SLC41A3: variants seen among roughly 807,000 people sequenced by gnomAD.
SLC41A3 encodes the protein solute carrier family 41 member 3, also known as SLC41A1-like 2.
SLC41A3 carries 44 observed loss-of-function variants against 45.4 expected under a neutral mutation model. The observed-to-expected ratio is 0.97, with a 90% CI of 0.76 to 1.25. SLC41A3 has a LOEUF of 1.25. SLC41A3 is among the 50% of genes most tolerant of loss of function. The pLI is 0.00. For missense variants in SLC41A3, 550 were observed against 600.6 expected, an observed-to-expected ratio of 0.92 and a Z score of 0.88; for synonymous variants, 256 against 252.4, an observed-to-expected ratio of 1.01 and a Z score of -0.13.
chr3:126,063,855 G>C (rs1200205361), intron 2 of SLC41A3, among the ~76,000 whole-genome samples: 1 of 150,918 alleles, frequency 6.6e-6, no homozygotes, highest in Non-Finnish European at 1.5e-5. Flanking sequence ...GGAGGCACAT[G>C]GGCCCCTCAC....
At chr3:126,077,177 A>C in intron 1 of SLC41A3, among the ~76,000 whole-genome samples, 1 of 152,138 alleles carries the variant, frequency 6.6e-6, no homozygotes, top group Non-Finnish European at 1.5e-5. Flanking sequence ...TAGGAGTTTG[A>C]GACCAGCTTG....
At chr3:126,068,781 A>G (rs948212771) in intron 1 of SLC41A3, among the ~76,000 whole-genome samples, 2 of 152,176 alleles carry the variant, frequency 1.3e-5, no homozygotes, top group Non-Finnish European at 2.9e-5. Flanking sequence ...GAAGGGCATG[A>G]CAAGGCTGGA....
chr3:126,073,808 A>G (rs934955158), intron 1 of SLC41A3, among the ~76,000 whole-genome samples: 10 of 152,164 alleles, frequency 6.6e-5, no homozygotes, highest in African/African-American at 2.4e-4. Context: ...AATAACACAA[A>G]TCCTTCATAA....
chr3:126,077,362 A>G (rs1944927305), intron 1 of SLC41A3, among the ~76,000 whole-genome samples: 1 of 152,196 alleles, frequency 6.6e-6, no homozygotes. Context: ...CCTAGGGGAC[A>G]GAGTAAGACT....
intron 3 of SLC41A3, among the ~76,000 whole-genome samples, chr3:126,048,280 T>A (rs895286563): frequency 6.6e-6 from 1 of 152,244 alleles, no homozygotes; most frequent in Non-Finnish European, 1.5e-5. Flanking sequence ...TTTATTTGTA[T>A]AGGTTTTGCC....
At chr3:126,091,658 A>G (rs887787788) in intron 1 of SLC41A3, among the ~76,000 whole-genome samples, 5 of 152,188 alleles carry the variant, frequency 3.3e-5, no homozygotes, top group African/African-American at 1.2e-4. Context: ...AAAAGTTGTC[A>G]GACTCTTAGT....
At chr3:126,076,945 G>T (rs1944906859) in intron 1 of SLC41A3, among the ~76,000 whole-genome samples, 1 of 152,120 alleles carries the variant, frequency 6.6e-6, no homozygotes, top group Non-Finnish European at 1.5e-5. Flanking sequence ...CTGTATGACT[G>T]CCCCACAATC....
chr3:126,090,960 T>C (rs1165338069), intron 1 of SLC41A3, among the ~76,000 whole-genome samples: 2 of 152,184 alleles, frequency 1.3e-5, no homozygotes, highest in African/African-American at 4.8e-5. Context: ...CTCTGCATGG[T>C]ACCCCAGCTG....
chr3:126,011,959 A>G (rs573892145), intron 9 of SLC41A3, among the ~76,000 whole-genome samples: 1 of 152,350 alleles, frequency 6.6e-6, no homozygotes, highest in African/African-American at 2.4e-5. Flanking sequence ...AACATCTCCA[A>G]AAGCTTCCAG....
intron 3 of SLC41A3, among the ~76,000 whole-genome samples, chr3:126,037,871 C>A (rs1215209930): frequency 2.6e-5 from 4 of 152,192 alleles, no homozygotes; most frequent in Admixed American, 2.6e-4. Flanking sequence ...CCCCTCCCAT[C>A]ACAGGTCCAG....
intron 3 of SLC41A3, among the ~76,000 whole-genome samples, chr3:126,040,450 G>T (rs1942513022): frequency 6.6e-6 from 1 of 152,190 alleles, no homozygotes; most frequent in African/African-American, 2.4e-5. Context: ...CAGAGGAAAG[G>T]CCTATTGCAA....
intron 1 of SLC41A3, among the ~76,000 whole-genome samples, chr3:126,074,273 G>A (rs1944769863): frequency 1.3e-5 from 2 of 151,724 alleles, no homozygotes; most frequent in African/African-American, 4.8e-5. Context: ...ATAATGATAA[G>A]AGGAATAGAA....
intron 9 of SLC41A3, among the ~76,000 whole-genome samples, chr3:126,011,150 C>T (rs909128827): frequency 1.3e-4 from 20 of 152,122 alleles, no homozygotes; most frequent in African/African-American, 4.8e-4. Context: ...CTACAACAAT[C>T]CTTCATCATG....
upstream of SLC41A3, among the ~76,000 whole-genome samples, chr3:126,089,292 T>C (rs2365019): frequency 0.17 from 26,206 of 152,140 alleles, 2,386 homozygotes; most frequent in Middle Eastern, 0.27. Context: ...CAAACCTTTT[T>C]TCACCAGAAA....
At chr3:126,100,607 A>G (rs956109018) in intron 1 of SLC41A3, among the ~76,000 whole-genome samples, 4 of 152,344 alleles carry the variant, frequency 2.6e-5, no homozygotes, top group East Asian at 1.9e-4. Context: ...GACGGCAGTC[A>G]TTATATTATA....
chr3:126,037,405 G>C (rs958639131), intron 3 of SLC41A3, among the ~76,000 whole-genome samples: 1 of 152,186 alleles, frequency 6.6e-6, no homozygotes, highest in Non-Finnish European at 1.5e-5. Flanking sequence ...TGCTGATAGA[G>C]ATATGGACAG....
At chr3:126,012,812 A>G in intron 8 of SLC41A3, 63 bp from the exon 9 acceptor site, 1 of 1,589,846 alleles carries the variant, frequency 6.3e-7, no homozygotes, top group Non-Finnish European at 8.6e-7. Context: ...TGTATCCCTT[A>G]TTTTAAGTTC....
chr3:126,045,994 GA>G (rs149317301), intron 3 of SLC41A3, among the ~76,000 whole-genome samples: 8,251 of 149,826 alleles, frequency 0.055, 712 homozygotes, highest in African/African-American at 0.18. Context: ...TCAATGGGGG[GA>G]AAAAAAACCA....
intron 9 of SLC41A3, among the ~76,000 whole-genome samples, 181 bp from the exon 10 acceptor site, chr3:126,009,061 G>C (rs546421573): frequency 6.6e-6 from 1 of 152,282 alleles, no homozygotes; most frequent in Admixed American, 6.5e-5. Flanking sequence ...TTCCCTCGTG[G>C]AGCTGATATT....
Sources: gnomAD v4.1 joint callset for allele counts (sites outside exome capture counted in the v4.1 genomes callset) on GRCh38, gnomAD v4.1.1 for gene constraint, MANE v1.5 for transcripts, NCBI Gene and HGNC (gene_info 2026-07-23, HGNC 2026-07-21) for gene names.